BRIP1: variants seen among roughly 807,000 people sequenced by gnomAD.
BRIP1 encodes Fanconi anemia group J protein.
In BRIP1, 88 loss-of-function variants were observed where a neutral mutation model predicts 119.7. That is an observed-to-expected ratio of 0.74 (90% CI 0.62 to 0.88). BRIP1 has a LOEUF of 0.88. BRIP1 is among the 40% of genes least tolerant of loss of function. The pLI is 0.00. For missense variants in BRIP1, 1,259 were observed against 1,455.4 expected, an observed-to-expected ratio of 0.87 and a Z score of 2.20; for synonymous variants, 443 against 496.5, an observed-to-expected ratio of 0.89 and a Z score of 1.43.
In BRIP1 at chr17:61,825,499, T is replaced by A. The variant is rs180720992; in HGVS notation, c.628-16742A>T. On this transcript the variant is annotated intron_variant, in intron 6 of 19. Coordinates refer to ENST00000259008, the MANE Select transcript of BRIP1 (RefSeq NM_032043.3). The surrounding 1 kb of genome is among the most constrained non-coding windows in gnomAD (Gnocchi z 4.1). ...TCCACAGTCTCAGCCCAAAACCTCCTTAAGCTGATAAACAACTTGTCAGGA... is the reference window on the plus strand; with the variant it reads ...TCCACAGTCTCAGCCCAAAACCTCCATAAGCTGATAAACAACTTGTCAGGA... Among the ~76,000 whole-genome samples, 56 of 151,994 alleles carry A rather than the reference T, an allele frequency of 3.7e-4. 1 individual carries two copies. Among genetic ancestry groups the A allele is most frequent in the African/African-American group, 1.3e-3 (56 of 41,498 alleles).
chr17:61,692,414 TAAAG>T (rs1401719978), intron 18 of BRIP1, among the ~76,000 whole-genome samples: 1 of 151,962 alleles, frequency 6.6e-6, no homozygotes, highest in African/African-American at 2.4e-5. Flanking sequence ...ATATATCTGA[TAAAG>T]AGTTAATCCC....
rs2061383046 is a variant in BRIP1 at position 61,687,791 on chromosome 17, T to G, written c.2576-1626A>C. 6.6e-6 allele frequency among the ~76,000 whole-genome samples: 1 copy of G among 152,258 alleles called. No individual in the cohort carries two copies. Among genetic ancestry groups the G allele is most frequent in the East Asian group, 1.9e-4 (1 of 5,178 alleles). ...CGGTAGGAAAATTTGTGGCACCCTCTTGTCATGATCCCCACTTCAGAATAT... is the reference window on the plus strand; with the variant it reads ...CGGTAGGAAAATTTGTGGCACCCTCGTGTCATGATCCCCACTTCAGAATAT... On this transcript the variant is annotated intron_variant, in intron 18 of 19. Coordinates refer to ENST00000259008, the MANE Select transcript of BRIP1 (RefSeq NM_032043.3). This position sits in a 1 kb window ranked among gnomAD's most constrained non-coding sequence, Gnocchi z 5.1.
chr17:61,771,717 T>G (rs1349842241), intron 14 of BRIP1, among the ~76,000 whole-genome samples: 1 of 152,184 alleles, frequency 6.6e-6, no homozygotes. Context: ...CCCAGCACTT[T>G]GGGAGGCCGA....
At chr17:61,732,051 G>A (rs377734600) in intron 16 of BRIP1, among the ~76,000 whole-genome samples, 11 of 129,174 alleles carry the variant, frequency 8.5e-5, no homozygotes, top group African/African-American at 2.7e-4. Flanking sequence ...GAGCAATCTC[G>A]GCTCACTGCA....
At position 61,705,218 on chromosome 17, in the gene BRIP1, T is replaced by G. The variant is rs2061675073; in HGVS notation, c.2492+10733A>C. ...TTGGTTTTCTGTTTCTGTGTTAGTT[T>G]GCTTAGGATAATGGCCTCCAGTTGC... is the stretch of plus-strand genomic sequence containing the variant. On this transcript the variant is annotated intron_variant, in intron 17 of 19. Transcript: ENST00000259008. This position sits in a 1 kb window ranked among gnomAD's most constrained non-coding sequence, Gnocchi z 5.0. 6.6e-6 allele frequency among the ~76,000 whole-genome samples: 1 copy of G among 152,192 alleles called. No individual in the cohort carries two copies. Among genetic ancestry groups the G allele is most frequent in the African/African-American group, 2.4e-5 (1 of 41,474 alleles).
At position 61,824,846 on chromosome 17, in the gene BRIP1, TC is replaced by T. The variant is rs2078380807; in HGVS notation, c.628-16090del. Among the ~76,000 whole-genome samples, 1 of 152,088 alleles carries T rather than the reference TC, an allele frequency of 6.6e-6. No homozygotes were observed. The highest frequency in any genetic ancestry group is 6.6e-5 in the Admixed American group (1 of 15,260). ...GGAGAAAATATTTACAAATCATGTA[TC>T]CAATAAGGTATTAATATCTGGAATA... On this transcript the variant is annotated intron_variant, in intron 6 of 19. Coordinates refer to ENST00000259008, the MANE Select transcript of BRIP1 (RefSeq NM_032043.3). This position sits in a 1 kb window ranked among gnomAD's most constrained non-coding sequence, Gnocchi z 4.3.
chr17:61,718,818 C>T (rs1028172105), intron 16 of BRIP1, among the ~76,000 whole-genome samples: 5 of 152,102 alleles, frequency 3.3e-5, no homozygotes, highest in Non-Finnish European at 5.9e-5. Flanking sequence ...CCCTCAGATA[C>T]CAAAATCCAT....
chr17:61,762,335 T>C lies in BRIP1; in HGVS notation c.2097+14066A>G, dbSNP rs369430675. Among the ~76,000 whole-genome samples, 80 of 152,234 alleles carry C rather than the reference T, an allele frequency of 5.3e-4. No individual in the cohort carries two copies. Among genetic ancestry groups the C allele is most frequent in the African/African-American group, 1.9e-3 (80 of 41,548 alleles). On this transcript the variant is annotated intron_variant, in intron 14 of 19. Transcript: ENST00000259008. The surrounding 1 kb of genome is among the most constrained non-coding windows in gnomAD (Gnocchi z 4.3). ...GGGGGGAAAACTACATAACATTGGT[T>C]TAGGCAATGATTTTTTGGATTTGAT...
rs2061671681 is a variant in BRIP1 at position 61,705,020 on chromosome 17, A to G, written c.2492+10931T>C. Among the ~76,000 whole-genome samples the G allele has an allele frequency of 6.6e-6, 1 of 152,124 alleles. No homozygotes were observed. Among genetic ancestry groups the G allele is most frequent in the Non-Finnish European group, 1.5e-5 (1 of 68,016 alleles). On this transcript the variant is annotated intron_variant, in intron 17 of 19. Transcript: ENST00000259008. This position sits in a 1 kb window ranked among gnomAD's most constrained non-coding sequence, Gnocchi z 5.0. ...TGCATGATGTTGAGTTTGGAGTACA[A>G]TTGAACCTGTTACCCAGAAAGCAAG...
chr17:61,685,761 C>T (rs1284643655), intron 19 of BRIP1, 75 bp downstream of exon 19: 4 of 1,298,900 alleles, frequency 3.1e-6, no homozygotes, highest in East Asian at 2.3e-5. Context: ...TTAATCTATA[C>T]CCAAATAAAT....
In BRIP1 at chr17:61,843,548, A is replaced by T. The variant is rs2078687451; in HGVS notation, c.627+3553T>A. On this transcript the variant is annotated intron_variant, in intron 6 of 19. Coordinates refer to ENST00000259008, the MANE Select transcript of BRIP1 (RefSeq NM_032043.3). The surrounding 1 kb of genome is among the most constrained non-coding windows in gnomAD (Gnocchi z 5.7). ...CATCAATGGCTGGTGCCCTCCTCAC[A>T]GTAATGAGTTGAGTTCTTGCTCTGA... Among the ~76,000 whole-genome samples the T allele has an allele frequency of 6.6e-6, 1 of 152,124 alleles. No individual in the cohort carries two copies. Among genetic ancestry groups the T allele is most frequent in the Non-Finnish European group, 1.5e-5 (1 of 68,028 alleles).
At chr17:61,716,830 G>C (rs994595757) in intron 16 of BRIP1, among the ~76,000 whole-genome samples, 85 of 151,256 alleles carry the variant, frequency 5.6e-4, no homozygotes, top group African/African-American at 1.9e-3. Context: ...TTCCACTACT[G>C]GATTATTAGC....
chr17:61,743,684 T>G lies in BRIP1; in HGVS notation c.2258-550A>C, dbSNP rs145805532. Among the ~76,000 whole-genome samples the G allele has an allele frequency of 3.3e-5, 5 of 152,196 alleles. No individual in the cohort carries two copies. Among genetic ancestry groups the G allele is most frequent in the Non-Finnish European group, 7.3e-5 (5 of 68,028 alleles). ...CCCTTCACATCAAACTTTTTTATTT[T>G]ATTTTATTATTTTTTGTGTGTGAGA... On this transcript the variant is annotated intron_variant, in intron 15 of 19. Transcript: ENST00000259008. The surrounding 1 kb of genome is among the most constrained non-coding windows in gnomAD (Gnocchi z 4.3).
chr17:61,715,026 C>A (rs1016070440), intron 17 of BRIP1, among the ~76,000 whole-genome samples: 1 of 151,816 alleles, frequency 6.6e-6, no homozygotes, highest in African/African-American at 2.4e-5. Context: ...ATAGTGAAAC[C>A]CCATCTCTAC....
rs543020595 is a variant in BRIP1, at chr17:61,775,713, T to C, written c.2097+688A>G. ...GTAAAATGAGGGCAACGAAGAAAGT[T>C]TGGCTTAGATTAACTTTAATGAAAC... On this transcript the variant is annotated intron_variant, in intron 14 of 19. Coordinates refer to ENST00000259008, the MANE Select transcript of BRIP1 (RefSeq NM_032043.3). This position sits in a 1 kb window ranked among gnomAD's most constrained non-coding sequence, Gnocchi z 4.4. 3.3e-5 allele frequency among the ~76,000 whole-genome samples: 5 copies of C among 152,318 alleles called. No individual in the cohort carries two copies. Among genetic ancestry groups the C allele is most frequent in the South Asian group, 2.1e-4 (1 of 4,824 alleles).
rs2061513629 is a variant in BRIP1, at chr17:61,695,968, GTC to G, written c.2493-2458_2493-2457del. The stretch of plus-strand genomic sequence containing the variant: ...CTGTATACCTTTCTTTCTTCTTCTT[GTC>G]TCACTGCCCTGGTTAGAACCTCCAA... On this transcript the variant is annotated intron_variant, in intron 17 of 19. Transcript: ENST00000259008. This position sits in a 1 kb window ranked among gnomAD's most constrained non-coding sequence, Gnocchi z 4.3. Among the ~76,000 whole-genome samples the G allele has an allele frequency of 6.6e-6, 1 of 151,896 alleles. No homozygotes were observed. Among genetic ancestry groups the G allele is most frequent in the Admixed American group, 6.6e-5 (1 of 15,232 alleles).
rs2145238439 is a variant in BRIP1 at position 61,793,589 on chromosome 17, T to A, written c.1473+8A>T. ...AAATACGTTTCACAGGTAGAAAAAA[T>A]ATCTTACCTGCAAAATGGGAAAAGT... On this transcript the variant is annotated splice_region_variant and intron_variant, in intron 10 of 19. Transcript: ENST00000259008. This position sits in a 1 kb window ranked among gnomAD's most constrained non-coding sequence, Gnocchi z 5.2. 6.2e-7 allele frequency: 1 copy of A among 1,600,370 alleles called. No individual in the cohort carries two copies. Among genetic ancestry groups the A allele is most frequent in the South Asian group, 1.1e-5 (1 of 89,354 alleles).
Position 61,760,019 on chromosome 17 carries a change from T to C in BRIP1, c.2098-15428A>G, listed in dbSNP as rs560342133. The stretch of plus-strand genomic sequence containing the variant: ...TCTTCTCAAATACCATAAAATAGTC[T>C]CCAGGATAGATTATATATTAGGCCA... On this transcript the variant is annotated intron_variant, in intron 14 of 19. Coordinates refer to ENST00000259008, the MANE Select transcript of BRIP1 (RefSeq NM_032043.3). This position sits in a 1 kb window ranked among gnomAD's most constrained non-coding sequence, Gnocchi z 4.6. 6.6e-6 allele frequency among the ~76,000 whole-genome samples: 1 copy of C among 152,068 alleles called. No homozygotes were observed. Among genetic ancestry groups the C allele is most frequent in the East Asian group, 1.9e-4 (1 of 5,186 alleles).
rs2077148763 is a variant in BRIP1, at chr17:61,752,799, T to TA, written c.2098-8209dup. The stretch of plus-strand genomic sequence containing the variant: ...TAGAGAAAGAAAAGTGAACAGATTA[T>TA]AAAAATACTTAAAATTAAAATGAGT... On this transcript the variant is annotated intron_variant, in intron 14 of 19. Coordinates refer to ENST00000259008, the MANE Select transcript of BRIP1 (RefSeq NM_032043.3). This position sits in a 1 kb window ranked among gnomAD's most constrained non-coding sequence, Gnocchi z 6.2. Among the ~76,000 whole-genome samples, 1 of 152,148 alleles carries TA rather than the reference T, an allele frequency of 6.6e-6. No homozygotes were observed. Among genetic ancestry groups the TA allele is most frequent in the South Asian group, 2.1e-4 (1 of 4,832 alleles).
Sources: allele counts gnomAD v4.1 joint callset (sites outside exome capture counted in the v4.1 genomes callset), GRCh38; gene constraint gnomAD v4.1.1; non-coding constraint Gnocchi (gnomAD v3.1); transcripts MANE v1.5; gene names NCBI Gene and HGNC (gene_info 2026-07-23, HGNC 2026-07-21).